Variants in LRCH1 observed in about 807,000 individuals in gnomAD.
LRCH1 encodes leucine-rich repeat and calponin homology domain-containing protein 1.
In LRCH1, 23 loss-of-function variants were observed where a neutral mutation model predicts 94.9. That is an observed-to-expected ratio of 0.24 (90% CI 0.17 to 0.34). LRCH1 has a LOEUF of 0.34. Among genes scored for constraint, LRCH1 ranks in the 10% least tolerant of loss-of-function variants. LRCH1 has a pLI of 1.00. For missense variants in LRCH1, 790 were observed against 945.9 expected (o/e 0.84, Z 2.16); for synonymous variants, 364 against 354.9 (o/e 1.03, Z -0.29).
intron 1 of LRCH1, among the ~76,000 whole-genome samples, chr13:46,633,221 G>A (rs1210024356): frequency 6.6e-6 from 1 of 152,310 alleles, no homozygotes; most frequent in East Asian, 1.9e-4. Flanking sequence ...ATTGCCCAAG[G>A]AAGTATTTCT....
At chr13:46,605,098 C>T (rs1036482053) in intron 1 of LRCH1, among the ~76,000 whole-genome samples, 8 of 152,196 alleles carry the variant, frequency 5.3e-5, no homozygotes, top group Non-Finnish European at 1.0e-4. Context: ...TCTTAGCATG[C>T]AGCAGTACTG....
chr13:46,594,514 C>T (rs2050537127), intron 1 of LRCH1, among the ~76,000 whole-genome samples: 1 of 152,224 alleles, frequency 6.6e-6, no homozygotes, highest in Non-Finnish European at 1.5e-5. Flanking sequence ...CCTCTAGCCA[C>T]TGTTGAATGC....
chr13:46,710,148 G>T (rs1871983146), intron 13 of LRCH1, among the ~76,000 whole-genome samples: 1 of 152,080 alleles, frequency 6.6e-6, no homozygotes, highest in South Asian at 2.1e-4. Context: ...TTTTAATTGT[G>T]GGGGTAAGAT....
At chr13:46,582,288 A>T (rs1277874073) in intron 1 of LRCH1, among the ~76,000 whole-genome samples, 1 of 151,836 alleles carries the variant, frequency 6.6e-6, no homozygotes, top group African/African-American at 2.4e-5. Context: ...ATATATTTTT[A>T]AAAATCTGAG....
intron 1 of LRCH1, among the ~76,000 whole-genome samples, chr13:46,642,896 A>AC (rs2051176259): frequency 6.6e-6 from 1 of 150,834 alleles, no homozygotes; most frequent in Non-Finnish European, 1.5e-5. Flanking sequence ...CTGGCTATGA[A>AC]CCCCAGGCTT....
Position 46,641,046 on chromosome 13 carries a change from G to A in LRCH1, c.308-9155G>A, listed in dbSNP as rs548215207. On this transcript the variant is annotated intron_variant, in intron 1 of 19. Coordinates refer to ENST00000389797, the MANE Select transcript of LRCH1 (RefSeq NM_001164211.2). ...GAGTCAGGGGTGAGTCAGCCCATGG[G>A]TTCTGCTTTATTGGCTGGGTAGCAC... is the stretch of plus-strand genomic sequence containing the variant. Among the ~76,000 whole-genome samples, 8 of 152,308 alleles carry A rather than the reference G, an allele frequency of 5.3e-5. No individual in the cohort carries two copies. In the South Asian group the frequency reaches 1.7e-3, roughly 32 times the overall value.
At chr13:46,708,721 G>T (rs1871903980) in intron 13 of LRCH1, among the ~76,000 whole-genome samples, 1 of 152,218 alleles carries the variant, frequency 6.6e-6, no homozygotes, top group African/African-American at 2.4e-5. Flanking sequence ...ATCAGCCCAA[G>T]ACTGTTTTAT....
chr13:46,597,568 G>GC (rs1379341065), intron 1 of LRCH1, among the ~76,000 whole-genome samples: 1 of 152,082 alleles, frequency 6.6e-6, no homozygotes, highest in East Asian at 1.9e-4. Context: ...TGTCGAACAG[G>GC]CTGGACTTGA....
At chr13:46,679,395 C>A (rs1285913597) in intron 3 of LRCH1, among the ~76,000 whole-genome samples, 1 of 152,124 alleles carries the variant, frequency 6.6e-6, no homozygotes, top group African/African-American at 2.4e-5. Flanking sequence ...TGAGCAAAGG[C>A]CCCCGTAATT....
Position 46,742,643 on chromosome 13 carries a change from G to A in LRCH1, c.*795G>A. The A allele has an allele frequency of 1.0e-6, 1 of 985,406 alleles. No individual in the cohort carries two copies. The highest frequency in any genetic ancestry group is 1.2e-6 in the Non-Finnish European group (1 of 829,936). The allele number at this position is 985,406 out of a possible 1,614,324, so 61.0% of individuals were successfully genotyped here. ...GTCTTCTCTTGAGGCTCTTAGAAAA[G>A]CGTTTTCCAGAGAGATTTCTATTTT... On this transcript the variant is annotated 3_prime_UTR_variant, in exon 20 of 20. Transcript: ENST00000389797.
intron 1 of LRCH1, among the ~76,000 whole-genome samples, chr13:46,588,568 G>A (rs1310841428): frequency 3.3e-5 from 5 of 150,030 alleles, no homozygotes; most frequent in Non-Finnish European, 5.9e-5. Flanking sequence ...AATTAACATG[G>A]TGCTGTATTT....
At chr13:46,739,542 A>G (rs1393884224) in intron 19 of LRCH1, among the ~76,000 whole-genome samples, 2 of 152,182 alleles carry the variant, frequency 1.3e-5, no homozygotes, top group East Asian at 3.8e-4. Context: ...AGAACCTCCC[A>G]GGTCAGAAAT....
chr13:46,585,603 T>C (rs1247858533), intron 1 of LRCH1, among the ~76,000 whole-genome samples: 1 of 150,920 alleles, frequency 6.6e-6, no homozygotes, highest in Admixed American at 6.6e-5. Context: ...CCTGCACCGA[T>C]TTTGTAGAAA....
chr13:46,625,150 G>A (rs919970731), intron 1 of LRCH1, among the ~76,000 whole-genome samples: 3 of 152,232 alleles, frequency 2.0e-5, no homozygotes, highest in African/African-American at 7.2e-5. Context: ...GTGGCGCCCT[G>A]TTGGCACGTT....
chr13:46,553,902 C>T (rs1333872603), intron 1 of LRCH1, among the ~76,000 whole-genome samples, 199 bp downstream of exon 1: 1 of 152,192 alleles, frequency 6.6e-6, no homozygotes, highest in Non-Finnish European at 1.5e-5. Context: ...CCTGCCTGGT[C>T]CGGCGATGCA....
chr13:46,648,597 A>G (rs965001382), intron 1 of LRCH1, among the ~76,000 whole-genome samples: 1 of 152,176 alleles, frequency 6.6e-6, no homozygotes, highest in Non-Finnish European at 1.5e-5. Flanking sequence ...CAATAACCCC[A>G]ACAGTTTTTT....
chr13:46,728,646 A>G (rs1464683652), intron 17 of LRCH1, among the ~76,000 whole-genome samples: 1 of 152,202 alleles, frequency 6.6e-6, no homozygotes, highest in African/African-American at 2.4e-5. Flanking sequence ...AAAATTTTAC[A>G]CTCACCTAAA....
intron 1 of LRCH1, among the ~76,000 whole-genome samples, chr13:46,605,057 T>G (rs531754309): frequency 1.3e-4 from 20 of 152,346 alleles, no homozygotes; most frequent in African/African-American, 4.8e-4. Flanking sequence ...AATCCCTTTG[T>G]GTGGAGAGGC....
At chr13:46,717,095 G>T (rs1872360436) in intron 16 of LRCH1, among the ~76,000 whole-genome samples, 1 of 151,668 alleles carries the variant, frequency 6.6e-6, no homozygotes, top group Non-Finnish European at 1.5e-5. Flanking sequence ...GTCTTCTTAT[G>T]TAGCAGTAGA....
Sources: gnomAD v4.1 joint callset for allele counts (sites outside exome capture counted in the v4.1 genomes callset) on GRCh38, gnomAD v4.1.1 for gene constraint, MANE v1.5 for transcripts, NCBI Gene and HGNC (gene_info 2026-07-23, HGNC 2026-07-21) for gene names.